The following CCM2 variants were observed in gnomAD, a reference collection of about 807,000 sequenced individuals.
The protein encoded by CCM2 is cerebral cavernous malformations 2 protein.
CCM2 carries 25 observed loss-of-function variants against 44.9 expected under a neutral mutation model. That is an observed-to-expected ratio of 0.56 (90% CI 0.41 to 0.78). The LOEUF (loss-of-function observed/expected upper bound fraction) is 0.78. Among genes scored for constraint, CCM2 ranks in the 30% least tolerant of loss-of-function variants. CCM2 has a pLI of 0.00. For missense variants in CCM2, 481 were observed against 580.6 expected (o/e 0.83, Z 1.76); for synonymous variants, 219 against 241.1 (o/e 0.91, Z 0.85).
At chr7:45,021,496 T>C (rs902033824) in intron 1 of CCM2, among the ~76,000 whole-genome samples, 7 of 150,398 alleles carry the variant, frequency 4.7e-5, no homozygotes, top group East Asian at 2.0e-4. Context: ...ACCCGGAAGG[T>C]AGAGTTGCAG....
chr7:45,030,099 TCA>T (rs1796890835), intron 1 of CCM2, among the ~76,000 whole-genome samples: 1 of 152,180 alleles, frequency 6.6e-6, no homozygotes. Flanking sequence ...CCTCACAGCC[TCA>T]GTTTCTTCAG....
intron 9 of CCM2, among the ~76,000 whole-genome samples, 187 bp from the exon 10 acceptor site, chr7:45,075,590 A>C (rs1260946246): frequency 1.3e-5 from 2 of 152,314 alleles, no homozygotes; most frequent in East Asian, 1.9e-4. Context: ...GGTTTTAGCC[A>C]AACTGTCTGG....
intron 1 of CCM2, among the ~76,000 whole-genome samples, chr7:45,007,988 T>C (rs533346283): frequency 6.6e-6 from 1 of 152,234 alleles, no homozygotes; most frequent in East Asian, 1.9e-4. Flanking sequence ...AGCTCTCTGG[T>C]CAGGTGTGGA....
chr7:45,009,398 A>G (rs1188175487), intron 1 of CCM2, among the ~76,000 whole-genome samples: 3 of 125,562 alleles, frequency 2.4e-5, no homozygotes, highest in Non-Finnish European at 3.2e-5. Flanking sequence ...CGTTGGCTAT[A>G]CTTGTTTTTT....
rs549030165 is a variant in CCM2, at chr7:45,058,393, T to C, written c.205-5525T>C. 4.9e-4 allele frequency among the ~76,000 whole-genome samples: 75 copies of C among 152,212 alleles called. 1 individual carries two copies. Among genetic ancestry groups the C allele is most frequent in the Middle Eastern group, 3.4e-3 (1 of 294 alleles). ...TGCAGGTTTGTTACATATGTATACA[T>C]GTGCCATGTTGGTGTGCTGCACCCA... On this transcript the variant is annotated intron_variant, in intron 2 of 9. Coordinates refer to ENST00000258781, the MANE Select transcript of CCM2 (RefSeq NM_031443.4).
intron 4 of CCM2, among the ~76,000 whole-genome samples, chr7:45,066,446 C>T (rs900952594): frequency 1.3e-5 from 2 of 152,120 alleles, no homozygotes; most frequent in African/African-American, 2.4e-5. Context: ...TGCACTGGGC[C>T]GCCATGCTGT....
chr7:45,052,963 C>A lies in CCM2; in HGVS notation c.205-10955C>A, dbSNP rs146098856. ...ACCAATGGAAGGATTCTGCAAAGTGCTAAGTATGTCCGTTCCTCTTGTATT... is the reference window on the plus strand; with the variant it reads ...ACCAATGGAAGGATTCTGCAAAGTGATAAGTATGTCCGTTCCTCTTGTATT... On this transcript the variant is annotated intron_variant, in intron 2 of 9. Transcript: ENST00000258781. Among the ~76,000 whole-genome samples, 539 of 152,302 alleles carry A rather than the reference C, an allele frequency of 3.5e-3. 4 individuals carry two copies. The highest frequency in any genetic ancestry group is 0.012 in the African/African-American group (510 of 41,566).
intron 1 of CCM2, among the ~76,000 whole-genome samples, chr7:45,005,700 C>T (rs1209405295): frequency 6.6e-6 from 1 of 152,194 alleles, no homozygotes; most frequent in Non-Finnish European, 1.5e-5. Flanking sequence ...GTGCTTAGCC[C>T]ACTGAGAAGA....
Position 45,050,111 on chromosome 7 carries a change from C to T in CCM2, c.204+11685C>T, listed in dbSNP as rs183413322. 4.5e-4 allele frequency among the ~76,000 whole-genome samples: 68 copies of T among 152,294 alleles called. 1 individual carries two copies. The highest frequency in any genetic ancestry group is 7.5e-4 in the Non-Finnish European group (51 of 68,038). ...TAGCTGTCTTAACATTGTAGCACAA[C>T]GCATCACCTTTTCTGTGTTTGAATG... On this transcript the variant is annotated intron_variant, in intron 2 of 9. Coordinates refer to ENST00000258781, the MANE Select transcript of CCM2 (RefSeq NM_031443.4).
At chr7:45,064,187 G>A (rs1798655625) in intron 3 of CCM2, among the ~76,000 whole-genome samples, 186 bp downstream of exon 3, 1 of 152,166 alleles carries the variant, frequency 6.6e-6, no homozygotes, top group African/African-American at 2.4e-5. Flanking sequence ...CTTGCTCCAT[G>A]TGATTTTGGG....
At chr7:45,050,973 C>T (rs1291593766) in intron 2 of CCM2, among the ~76,000 whole-genome samples, 1 of 152,172 alleles carries the variant, frequency 6.6e-6, no homozygotes, top group Admixed American at 6.5e-5. Context: ...TCAACCTGAT[C>T]ATGCTCTAAA....
intron 5 of CCM2, 119 bp downstream of exon 5, chr7:45,068,698 C>A: frequency 7.7e-7 from 1 of 1,298,972 alleles, no homozygotes; most frequent in South Asian, 1.2e-5. Flanking sequence ...CCAGCTACTT[C>A]CTCTGCCATT....
intron 2 of CCM2, among the ~76,000 whole-genome samples, chr7:45,040,949 C>T (rs181252674): frequency 1.3e-5 from 2 of 152,166 alleles, no homozygotes; most frequent in African/African-American, 2.4e-5. Context: ...GAGATCGCAC[C>T]CCTGCACTCC....
chr7:45,026,205 T>G (rs1796684153), intron 1 of CCM2, among the ~76,000 whole-genome samples: 1 of 152,208 alleles, frequency 6.6e-6, no homozygotes, highest in South Asian at 2.1e-4. Flanking sequence ...CTGCCCTGTA[T>G]AGGCAACTTT....
intron 4 of CCM2, among the ~76,000 whole-genome samples, chr7:45,066,339 GTCTC>G (rs570810475): frequency 3.3e-5 from 5 of 152,068 alleles, no homozygotes; most frequent in Non-Finnish European, 5.9e-5. Context: ...TAAGGATGAA[GTCTC>G]TCTATGTTGC....
intron 1 of CCM2, chr7:45,027,562 A>C: frequency 1.3e-6 from 2 of 1,520,440 alleles, no homozygotes; most frequent in Non-Finnish European, 1.8e-6. Flanking sequence ...CCTGCTTTTT[A>C]AACTTTTAAA....
Position 45,000,456 on chromosome 7 carries a change from G to GC in CCM2, c.30+93_30+94insC, listed in dbSNP as rs1554353530. The GC allele has an allele frequency of 5.2e-5, 18 of 349,354 alleles. 1 individual carries two copies. Among genetic ancestry groups the GC allele is most frequent in the East Asian group, 1.3e-4 (3 of 22,340 alleles). The allele number at this position is 349,354 out of a possible 1,614,324, so 21.6% of individuals were successfully genotyped here. ...GTGGGCGGGTGTTCCTTGGGGCCCG[G>GC]GGGGGGGGGCAGTGGGCCAGCTGGC... On this transcript the variant is annotated intron_variant, in intron 1 of 9. Coordinates refer to ENST00000258781, the MANE Select transcript of CCM2 (RefSeq NM_031443.4).
At chr7:45,050,531 G>A (rs975749701) in intron 2 of CCM2, among the ~76,000 whole-genome samples, 6 of 152,274 alleles carry the variant, frequency 3.9e-5, no homozygotes, top group East Asian at 3.9e-4. Context: ...TCTGAGGAAC[G>A]CAGTGTTTAT....
At position 45,012,078 on chromosome 7, in the gene CCM2, A is replaced by T. The variant is rs183520926; in HGVS notation, c.30+11715A>T. ...TTTCCCTTTAGTTAGTTTTGGCTTC[A>T]TGTATTTTGAAGCTCTGTTGTTAAG... is the stretch of plus-strand genomic sequence containing the variant. On this transcript the variant is annotated intron_variant, in intron 1 of 9. Coordinates refer to ENST00000258781, the MANE Select transcript of CCM2 (RefSeq NM_031443.4). Among the ~76,000 whole-genome samples the T allele has an allele frequency of 2.5e-4, 38 of 149,594 alleles. No individual in the cohort carries two copies. The East Asian group carries it at 7.0e-3, about 28-fold the overall frequency.
Sources: gnomAD v4.1 joint callset for allele counts (sites outside exome capture counted in the v4.1 genomes callset) on GRCh38, gnomAD v4.1.1 for gene constraint, MANE v1.5 for transcripts, NCBI Gene and HGNC (gene_info 2026-07-23, HGNC 2026-07-21) for gene names.